DOCK9: variants seen among roughly 807,000 people sequenced by gnomAD.
The protein encoded by DOCK9 is dedicator of cytokinesis protein 9.
A neutral mutation model predicts 263.3 loss-of-function variants in DOCK9; 89 were observed. The ratio of observed to expected loss-of-function variants is 0.34; its 90% CI spans 0.28 to 0.40. The LOEUF (loss-of-function observed/expected upper bound fraction) is 0.40, where lower values mean the gene tolerates loss of function less well. DOCK9 is among the 10% of genes least tolerant of loss of function. The pLI is 1.00. For missense variants in DOCK9, 2,140 were observed against 2,603.4 expected (o/e 0.82, Z 3.87); for synonymous variants, 976 against 973.1 (o/e 1.00, Z -0.06).
intron 1 of DOCK9, among the ~76,000 whole-genome samples, chr13:99,004,273 A>G (rs1187673076): frequency 1.3e-5 from 2 of 152,182 alleles, no homozygotes; most frequent in Non-Finnish European, 2.9e-5. Flanking sequence ...CAAACATCCA[A>G]TGGATGTCTG....
intron 32 of DOCK9, among the ~76,000 whole-genome samples, chr13:98,861,613 G>C (rs1427375220): frequency 6.6e-6 from 1 of 152,180 alleles, no homozygotes; most frequent in African/African-American, 2.4e-5. Flanking sequence ...CAACTGAAAT[G>C]TGACAAGAAA....
chr13:99,047,088 C>CA (rs5806091), intron 1 of DOCK9, among the ~76,000 whole-genome samples: 103,262 of 152,052 alleles, frequency 0.68, 36,201 homozygotes, highest in East Asian at 0.89. Flanking sequence ...CTATGTTGGA[C>CA]TATTCATGGG....
At chr13:99,013,849 C>T (rs1272908127) in intron 1 of DOCK9, among the ~76,000 whole-genome samples, 1 of 152,162 alleles carries the variant, frequency 6.6e-6, no homozygotes, top group Non-Finnish European at 1.5e-5. Flanking sequence ...TGGTCTGACT[C>T]GTTTTCAGAG....
chr13:98,981,248 G>T (rs564045641), upstream of DOCK9, among the ~76,000 whole-genome samples: 4 of 152,100 alleles, frequency 2.6e-5, no homozygotes, highest in East Asian at 7.7e-4. Context: ...GTAAAGACAG[G>T]ATTTCACCAT....
At chr13:98,818,263 T>G (rs2092032924) in intron 45 of DOCK9, among the ~76,000 whole-genome samples, 2 of 152,200 alleles carry the variant, frequency 1.3e-5, no homozygotes, top group Admixed American at 6.5e-5. Context: ...TGAATAGAAA[T>G]AACTGGTAAT....
chr13:99,012,641 G>A (rs535934417), intron 1 of DOCK9, among the ~76,000 whole-genome samples: 2 of 152,272 alleles, frequency 1.3e-5, no homozygotes, highest in South Asian at 4.1e-4. Flanking sequence ...GCATGGGGGT[G>A]ACCCAAGGAA....
intron 45 of DOCK9, among the ~76,000 whole-genome samples, chr13:98,816,436 T>TAGG (rs918079226): frequency 3.3e-5 from 5 of 152,022 alleles, no homozygotes; most frequent in African/African-American, 1.2e-4. Flanking sequence ...GAGCAACGGG[T>TAGG]ACTGATTCAT....
chr13:98,955,664 T>A, intron 1 of DOCK9, 113 bp from the exon 2 acceptor site: 1 of 680,022 alleles, frequency 1.5e-6, no homozygotes, highest in Non-Finnish European at 2.4e-6. Context: ...TAGAGTATGC[T>A]AGTTTTGGTA....
rs1369186671 is a variant in DOCK9 at position 98,881,614 on chromosome 13, C to T, written c.2689G>A (p.Val897Met). 1 of 1,608,666 alleles carries T rather than the reference C, an allele frequency of 6.2e-7. No individual in the cohort carries two copies. Among genetic ancestry groups the T allele is most frequent in the Non-Finnish European group, 8.5e-7 (1 of 1,177,760 alleles). The change falls in exon 25 of 53, where the codon GTG becomes ATG. Residue 897 changes from valine to methionine, a missense_variant. This residue lies in a region of DOCK9 where 1,521 missense variants were observed against 1,741.7 expected (regional missense o/e 0.87). Coordinates refer to ENST00000682017, the MANE Select transcript of DOCK9 (RefSeq NM_001366683.2). The stretch of plus-strand genomic sequence containing the variant: ...CCTTCCTCATGGCACTGGGCAACCA[C>T]ATGAATAATGACCCTACACACCACA... ...AVNVTRVIIH[V>M]VAQCHEEGLE... is the part of the protein sequence containing the mutation.
chr13:98,866,778 T>G (rs2094038620), intron 30 of DOCK9, among the ~76,000 whole-genome samples: 1 of 152,212 alleles, frequency 6.6e-6, no homozygotes. Flanking sequence ...AGTAGAATAA[T>G]GAATTTTGGG....
At chr13:98,967,330 T>C (rs2059311573) in intron 1 of DOCK9, among the ~76,000 whole-genome samples, 3 of 152,188 alleles carry the variant, frequency 2.0e-5, no homozygotes, top group South Asian at 4.1e-4. Context: ...TCACATTCAA[T>C]AGAATTTTAG....
At chr13:98,958,068 C>A (rs1205915669) in intron 1 of DOCK9, among the ~76,000 whole-genome samples, 2 of 152,218 alleles carry the variant, frequency 1.3e-5, no homozygotes, top group African/African-American at 4.8e-5. Context: ...GAGCCCTGGA[C>A]AGGGGGTTGG....
intron 13 of DOCK9, among the ~76,000 whole-genome samples, chr13:98,900,429 T>C (rs1242345922): frequency 6.6e-6 from 1 of 152,196 alleles, no homozygotes; most frequent in Non-Finnish European, 1.5e-5. Context: ...AAAGAGCTTC[T>C]CATCCAAGGT....
intron 1 of DOCK9, 40 bp downstream of exon 1, chr13:98,977,744 T>C (rs778812011): frequency 1.0e-5 from 16 of 1,596,758 alleles, no homozygotes; most frequent in South Asian, 2.3e-5. Context: ...GAACCCAGCA[T>C]TGGGTAGACA....
rs45439102 is a variant in DOCK9 at position 98,904,558 on chromosome 13, T to A, written c.1035+74A>T. On this transcript the variant is annotated intron_variant, in intron 10 of 52. Transcript: ENST00000682017. Reference sequence around the variant, plus strand: ...TTCCAAAATAAACAAAGCAAACAAATAAACAAATAAGCCCATCGATGATTT... The same window carrying A: ...TTCCAAAATAAACAAAGCAAACAAAAAAACAAATAAGCCCATCGATGATTT... 1,332 of 852,248 alleles carry A rather than the reference T, an allele frequency of 1.6e-3. 2 individuals carry two copies. Among genetic ancestry groups the A allele is most frequent in the Admixed American group, 2.0e-3 (49 of 24,386 alleles). 52.8% of individuals were successfully genotyped at this position (852,248 alleles called of 1,614,324 possible).
In DOCK9 at chr13:99,085,669, A is replaced by G. The variant is rs1289038694; in HGVS notation, c.129+554T>C. 2.0e-5 allele frequency among the ~76,000 whole-genome samples: 3 copies of G among 152,074 alleles called. No individual in the cohort carries two copies. The East Asian group carries it at 5.8e-4, about 29-fold the overall frequency. On this transcript the variant is annotated intron_variant, in intron 1 of 32. Transcript: ENST00000427887. The stretch of plus-strand genomic sequence containing the variant: ...CTAAAAGGCGGCCAAACTTCAGGAT[A>G]CCGGCTTGGAGGTGGGGGGCGCAGG...
chr13:98,835,954 T>A (rs2092981770), intron 39 of DOCK9, among the ~76,000 whole-genome samples: 1 of 152,054 alleles, frequency 6.6e-6, no homozygotes, highest in Non-Finnish European at 1.5e-5. Flanking sequence ...GCCAGAATGG[T>A]CTCGATCTCC....
intron 45 of DOCK9, among the ~76,000 whole-genome samples, chr13:98,814,390 T>C (rs369288198): frequency 1.3e-5 from 2 of 149,506 alleles, no homozygotes; most frequent in African/African-American, 4.9e-5. Flanking sequence ...TGTATCTGTA[T>C]TATAAAGAAG....
chr13:98,832,908 G>A (rs1414995843), intron 39 of DOCK9: 1 of 152,192 alleles, frequency 6.6e-6, no homozygotes, highest in Non-Finnish European at 1.5e-5. Context: ...AGCAAATTAT[G>A]GTTGCGGTCA....
Sources: allele counts gnomAD v4.1 joint callset (sites outside exome capture counted in the v4.1 genomes callset), GRCh38; gene constraint gnomAD v4.1.1; regional missense constraint gnomAD v4.1.1; transcripts MANE v1.5; gene names NCBI Gene and HGNC (gene_info 2026-07-23, HGNC 2026-07-21).